UNC5D: variants seen among roughly 807,000 people sequenced by gnomAD.
UNC5D encodes the protein unc-5 netrin receptor D, also known as netrin receptor UNC5D.
UNC5D carries 39 observed loss-of-function variants against 105.4 expected under a neutral mutation model. The ratio of observed to expected loss-of-function variants is 0.37; its 90% CI spans 0.29 to 0.48. UNC5D has a LOEUF of 0.48. Ranked by LOEUF, UNC5D falls within the 20% of genes least tolerant of loss-of-function variation. The pLI is 0.98. For missense variants in UNC5D, 991 were observed against 1,202.4 expected (o/e 0.82, Z 2.60); for synonymous variants, 452 against 450.4 (o/e 1.00, Z -0.04).
At chr8:35,641,518 A>G (rs546958493) in intron 4 of UNC5D, among the ~76,000 whole-genome samples, 2 of 152,268 alleles carry the variant, frequency 1.3e-5, no homozygotes, top group East Asian at 3.9e-4. Flanking sequence ...TGGTGAGAAT[A>G]CATAGAGCCT....
At chr8:35,778,782 T>C (rs1802371988) in intron 16 of UNC5D, among the ~76,000 whole-genome samples, 1 of 152,260 alleles carries the variant, frequency 6.6e-6, no homozygotes, top group Non-Finnish European at 1.5e-5. Context: ...TGAAAATGTT[T>C]TCTTACTCTC....
chr8:35,491,088 C>T (rs1811187403), intron 1 of UNC5D, among the ~76,000 whole-genome samples: 1 of 151,956 alleles, frequency 6.6e-6, no homozygotes. Context: ...AACTTCGCTG[C>T]TTTAATATTA....
intron 15 of UNC5D, 123 bp from the exon 16 acceptor site, chr8:35,774,176 G>T: frequency 9.9e-7 from 1 of 1,008,966 alleles, no homozygotes; most frequent in Non-Finnish European, 1.5e-6. Context: ...ATTTTATAGA[G>T]TCCATCACAA....
chr8:35,262,151 A>G (rs1328111633), intron 1 of UNC5D, among the ~76,000 whole-genome samples: 1 of 97,356 alleles, frequency 1.0e-5, no homozygotes, highest in African/African-American at 3.4e-5. Context: ...TGCAATGAGT[A>G]AGAGCTTATA....
intron 16 of UNC5D, among the ~76,000 whole-genome samples, chr8:35,778,767 G>A (rs1358122065): frequency 6.6e-6 from 1 of 152,182 alleles, no homozygotes; most frequent in Non-Finnish European, 1.5e-5. Context: ...TTACTTTATT[G>A]CCAGTGAAAA....
At chr8:35,476,681 G>A (rs1585931035) in intron 1 of UNC5D, among the ~76,000 whole-genome samples, 1 of 151,992 alleles carries the variant, frequency 6.6e-6, no homozygotes, top group African/African-American at 2.4e-5. Flanking sequence ...CTTCTGAAAG[G>A]CTACTGTCCT....
chr8:35,643,571 C>T (rs556441893), intron 4 of UNC5D, among the ~76,000 whole-genome samples: 1 of 152,142 alleles, frequency 6.6e-6, no homozygotes, highest in South Asian at 2.1e-4. Context: ...GCAGAGACAG[C>T]GTTCCACCAT....
At chr8:35,385,298 T>C (rs1054270844) in intron 1 of UNC5D, among the ~76,000 whole-genome samples, 3 of 152,106 alleles carry the variant, frequency 2.0e-5, no homozygotes, top group South Asian at 2.1e-4. Flanking sequence ...CTGAATTTCT[T>C]TGGACCTGTT....
At chr8:35,734,637 C>A (rs548928510) in intron 11 of UNC5D, among the ~76,000 whole-genome samples, 1 of 151,792 alleles carries the variant, frequency 6.6e-6, no homozygotes, top group Non-Finnish European at 1.5e-5. Context: ...CTTGAACTCC[C>A]GACCTCAGGT....
chr8:35,379,187 G>A (rs1290965994), intron 1 of UNC5D, among the ~76,000 whole-genome samples: 1 of 152,120 alleles, frequency 6.6e-6, no homozygotes, highest in Non-Finnish European at 1.5e-5. Context: ...CTGCTCCTTT[G>A]ACAGGAGATC....
At chr8:35,455,021 T>C (rs1808392627) in intron 1 of UNC5D, among the ~76,000 whole-genome samples, 1 of 152,172 alleles carries the variant, frequency 6.6e-6, no homozygotes, top group Non-Finnish European at 1.5e-5. Flanking sequence ...TTACTTCTTT[T>C]ACTTATGTAG....
At chr8:35,669,924 G>C (rs1824669496) in intron 4 of UNC5D, among the ~76,000 whole-genome samples, 1 of 152,138 alleles carries the variant, frequency 6.6e-6, no homozygotes, top group Non-Finnish European at 1.5e-5. Context: ...TGTAGCACAA[G>C]AGGGTAAATG....
intron 1 of UNC5D, among the ~76,000 whole-genome samples, chr8:35,266,930 T>G (rs1029245677): frequency 1.3e-5 from 2 of 152,172 alleles, no homozygotes; most frequent in African/African-American, 4.8e-5. Context: ...GACAGAATTT[T>G]AAGATGCAGT....
At chr8:35,610,961 G>A (rs1031854349) in intron 4 of UNC5D, among the ~76,000 whole-genome samples, 1 of 114,314 alleles carries the variant, frequency 8.7e-6, no homozygotes, top group Non-Finnish European at 1.7e-5. Flanking sequence ...TTCTCCTCTG[G>A]AAATGAGAAA....
At chr8:35,705,633 C>CT (rs1231135776) in intron 7 of UNC5D, among the ~76,000 whole-genome samples, 38 of 152,224 alleles carry the variant, frequency 2.5e-4, no homozygotes, top group Admixed American at 2.3e-3. Flanking sequence ...AAGCTCACTG[C>CT]TTTTCTCATC....
chr8:35,631,132 G>A (rs553874199), intron 4 of UNC5D, among the ~76,000 whole-genome samples: 16 of 152,280 alleles, frequency 1.1e-4, no homozygotes, highest in Admixed American at 6.5e-4. Context: ...GGGCAACACG[G>A]TGAAACCCCA....
At position 35,492,388 on chromosome 8, in the gene UNC5D, A is replaced by C. The variant is rs562860728; in HGVS notation, c.104-56904A>C. Among the ~76,000 whole-genome samples the C allele has an allele frequency of 2.6e-5, 4 of 152,280 alleles. No homozygotes were observed. In the South Asian group the frequency reaches 8.3e-4, roughly 32 times the overall value. ...CAGAGCATTTTGAGAAGGAAAATAT[A>C]TAAAGAGGGAAATATAAAGTTGCTA... On this transcript the variant is annotated intron_variant, in intron 1 of 16. Transcript: ENST00000404895.
intron 2 of UNC5D, among the ~76,000 whole-genome samples, chr8:35,558,757 C>T (rs1019469960): frequency 2.0e-5 from 3 of 152,012 alleles, no homozygotes; most frequent in Non-Finnish European, 4.4e-5. Flanking sequence ...CCGAGGTGGG[C>T]GGGTCACTTG....
chr8:35,733,073 TTC>T (rs140893312), intron 11 of UNC5D, among the ~76,000 whole-genome samples: 4,311 of 151,742 alleles, frequency 0.028, 218 homozygotes, highest in African/African-American at 0.099. Context: ...GTATGAATTT[TTC>T]TCTCTACTAA....
Sources: allele counts gnomAD v4.1 joint callset (sites outside exome capture counted in the v4.1 genomes callset), GRCh38; gene constraint gnomAD v4.1.1; transcripts MANE v1.5; gene names NCBI Gene and HGNC (gene_info 2026-07-23, HGNC 2026-07-21).